Variants in SMIM36 observed in about 807,000 individuals in gnomAD.
SMIM36 encodes small integral membrane protein 36.
intron 3 of SMIM36, among the ~76,000 whole-genome samples, chr17:55,471,657 A>G (rs1363870640): frequency 1.3e-5 from 2 of 152,084 alleles, no homozygotes; most frequent in African/African-American, 2.4e-5. Flanking sequence ...TCTTTTCCCA[A>G]TTCTTCCTTT....
chr17:55,460,751 G>A (rs997220845), intron 4 of SMIM36, among the ~76,000 whole-genome samples: 6 of 152,146 alleles, frequency 3.9e-5, no homozygotes, highest in Non-Finnish European at 5.9e-5. Context: ...CCAGCTACTC[G>A]GGAGGCTGAG....
chr17:55,525,669 T>TAAA, the SMIM36 span, among the ~76,000 whole-genome samples: 3 of 152,124 alleles, frequency 2.0e-5, no homozygotes, highest in Non-Finnish European at 4.4e-5. Flanking sequence ...ATTTATTGAT[T>TAAA]TTTTTTAAGA....
At chr17:55,458,359 G>C (rs1327824941) in intron 4 of SMIM36, 1 of 152,176 alleles carries the variant, frequency 6.6e-6, no homozygotes, top group Non-Finnish European at 1.5e-5. Context: ...ATTAATATGG[G>C]AGTGCTGGGA....
intron 1 of SMIM36, among the ~76,000 whole-genome samples, chr17:55,486,343 G>A (rs553502432): frequency 6.6e-6 from 1 of 152,304 alleles, no homozygotes; most frequent in Admixed American, 6.5e-5. Context: ...CGCCCAGTAA[G>A]AGCTTTCTTT....
intron 1 of SMIM36, among the ~76,000 whole-genome samples, chr17:55,494,865 T>C (rs1379458666): frequency 6.6e-6 from 1 of 152,136 alleles, no homozygotes; most frequent in East Asian, 1.9e-4. Context: ...GAATGCACGA[T>C]AAAAGGCATT....
At chr17:55,502,397 T>G (rs1268689574) in intron 1 of SMIM36, among the ~76,000 whole-genome samples, 2 of 100,050 alleles carry the variant, frequency 2.0e-5, no homozygotes, top group Non-Finnish European at 1.9e-5. Flanking sequence ...AGACTGCCTC[T>G]TCAAGTGGGT....
chr17:55,486,078 C>T (rs1909603155), intron 1 of SMIM36, among the ~76,000 whole-genome samples: 1 of 147,394 alleles, frequency 6.8e-6, no homozygotes. Flanking sequence ...CTCTGTTGCG[C>T]AGGCTGGAGT....
Position 55,504,621 on chromosome 17 carries a change from C to T in SMIM36, c.*174+6258G>A, listed in dbSNP as rs1230405215. On this transcript the variant is annotated intron_variant, in intron 1 of 4. Coordinates refer to ENST00000636752, the Ensembl canonical transcript of SMIM36. ...AGCACTAAATGCCCACAAGAGAAAG[C>T]AGGAACGATCCAAAATTGACACCCT... is the stretch of plus-strand genomic sequence containing the variant. Among the ~76,000 whole-genome samples the T allele has an allele frequency of 4.8e-5, 4 of 84,160 alleles. 1 individual carries two copies. The highest frequency in any genetic ancestry group is 2.5e-4 in the African/African-American group (3 of 12,044). The allele number at this position is 84,160 out of a possible 152,430, so 55.2% of individuals were successfully genotyped here. A position where few individuals can be genotyped will look rare whatever the true frequency, so the allele number is the denominator to read the frequency against.
chr17:55,507,795 T>C (rs1486478788), intron 1 of SMIM36, among the ~76,000 whole-genome samples: 5 of 151,902 alleles, frequency 3.3e-5, no homozygotes. Context: ...GCACTTTACC[T>C]CTTCCGAACT....
At chr17:55,459,113 G>A (rs1486622004) in intron 4 of SMIM36, among the ~76,000 whole-genome samples, 1 of 152,142 alleles carries the variant, frequency 6.6e-6, no homozygotes, top group Non-Finnish European at 1.5e-5. Flanking sequence ...GAGCCCCACA[G>A]CCTGTCCGTG....
chr17:55,514,439 T>A (rs144506213), upstream of SMIM36, among the ~76,000 whole-genome samples: 1 of 152,202 alleles, frequency 6.6e-6, no homozygotes, highest in Admixed American at 6.5e-5. Context: ...GCACACTGTA[T>A]AACAAATGTA....
intron 1 of SMIM36, among the ~76,000 whole-genome samples, chr17:55,493,509 G>C (rs12942210): frequency 0.34 from 51,797 of 152,014 alleles, 10,280 homozygotes; most frequent in Non-Finnish European, 0.44. Flanking sequence ...AGGCACCTCC[G>C]CTGAGGAAAA....
the SMIM36 span, among the ~76,000 whole-genome samples, chr17:55,517,594 G>A: frequency 6.6e-6 from 1 of 152,182 alleles, no homozygotes; most frequent in African/African-American, 2.4e-5. Context: ...AGAGATGCCT[G>A]ATTGAAAAGA....
At chr17:55,474,616 G>A (rs541004288) in intron 3 of SMIM36, among the ~76,000 whole-genome samples, 1 of 152,296 alleles carries the variant, frequency 6.6e-6, no homozygotes, top group African/African-American at 2.4e-5. Context: ...TGGATTGCTT[G>A]ATACTTTGGT....
intron 4 of SMIM36, among the ~76,000 whole-genome samples, chr17:55,465,302 T>G (rs1341982188): frequency 6.6e-6 from 1 of 152,228 alleles, no homozygotes. Context: ...GGGAAGTTAT[T>G]TAACTTCTCA....
At chr17:55,470,470 C>T (rs1909324476) in intron 3 of SMIM36, among the ~76,000 whole-genome samples, 1 of 152,164 alleles carries the variant, frequency 6.6e-6, no homozygotes, top group South Asian at 2.1e-4. Flanking sequence ...TCCCTTGCCT[C>T]CACAACTATT....
At chr17:55,520,930 C>G in the SMIM36 span, among the ~76,000 whole-genome samples, 25 of 152,252 alleles carry the variant, frequency 1.6e-4, no homozygotes, top group African/African-American at 4.8e-4. Flanking sequence ...CCGAGACCAA[C>G]CTGGAGAATA....
At chr17:55,518,944 G>A in the SMIM36 span, among the ~76,000 whole-genome samples, 4 of 151,562 alleles carry the variant, frequency 2.6e-5, no homozygotes, top group African/African-American at 4.8e-5. Flanking sequence ...AGTAGGTTTA[G>A]AACAGCTTTG....
At chr17:55,489,683 G>T (rs1015728107) in intron 1 of SMIM36, among the ~76,000 whole-genome samples, 4 of 152,154 alleles carry the variant, frequency 2.6e-5, no homozygotes, top group African/African-American at 7.2e-5. Context: ...TCATTTGCAG[G>T]TGCACGGCAT....
Sources: gnomAD v4.1 joint callset for allele counts (sites outside exome capture counted in the v4.1 genomes callset) on GRCh38, gnomAD v4.1.1 for gene constraint, MANE v1.5 for transcripts, NCBI Gene and HGNC (gene_info 2026-07-23, HGNC 2026-07-21) for gene names.